FIGN: variants seen among roughly 807,000 people sequenced by gnomAD.
FIGN encodes the protein fidgetin, microtubule severing factor.
FIGN carries 11 observed loss-of-function variants against 51.3 expected under a neutral mutation model. The ratio of observed to expected loss-of-function variants is 0.21; its 90% confidence interval spans 0.13 to 0.35. The LOEUF (loss-of-function observed/expected upper bound fraction) is 0.35. Ranked by LOEUF, FIGN falls within the 10% of genes least tolerant of loss-of-function variation. The pLI is 1.00. For synonymous variants in FIGN, 407 were observed against 363.2 expected, an observed-to-expected ratio of 1.12 and a Z score of -1.37; for missense variants, 857 against 943.6, an observed-to-expected ratio of 0.91 and a Z score of 1.20.
intron 2 of FIGN, among the ~76,000 whole-genome samples, chr2:163,716,481 G>T (rs907259623): frequency 9.2e-5 from 14 of 152,096 alleles, no homozygotes; most frequent in Non-Finnish European, 2.9e-5. Flanking sequence ...CACTCCAGTT[G>T]GATTCCCTAC....
chr2:163,658,215 C>T (rs1010457719), intron 2 of FIGN, among the ~76,000 whole-genome samples: 13 of 152,046 alleles, frequency 8.6e-5, no homozygotes, highest in African/African-American at 3.1e-4. Flanking sequence ...TTACACATCT[C>T]ACAGGCCTGT....
At chr2:163,716,368 G>C (rs1684668368) in intron 2 of FIGN, among the ~76,000 whole-genome samples, 1 of 151,956 alleles carries the variant, frequency 6.6e-6, no homozygotes, top group Non-Finnish European at 1.5e-5. Context: ...TTAAAAACTG[G>C]TCGTTAAAAA....
In FIGN at chr2:163,622,921, A is replaced by C. The variant is rs183723614; in HGVS notation, c.26-11115T>G. Among the ~76,000 whole-genome samples the C allele has an allele frequency of 3.3e-5, 5 of 152,310 alleles. No homozygotes were observed. The East Asian group carries it at 9.7e-4, about 29-fold the overall frequency. On this transcript the variant is annotated intron_variant, in intron 2 of 2. Coordinates refer to ENST00000333129, the MANE Select transcript of FIGN (RefSeq NM_018086.4). ...AAAGAAATTTCATTTTAAGTGTGCT[A>C]GTTTTACTTGTTTATATTAAAAGAG...
intron 2 of FIGN, among the ~76,000 whole-genome samples, chr2:163,688,300 T>C (rs369951645): frequency 3.3e-5 from 5 of 152,310 alleles, no homozygotes; most frequent in African/African-American, 1.2e-4. Context: ...GACATGGTCC[T>C]AGGTCTGACA....
rs552998613 is a variant in FIGN at position 163,611,055 on chromosome 2, C to A, written c.777G>T (p.Gly259=). Residue 259 remains glycine, a synonymous_variant, in exon 3 of 3, where the codon GGG becomes GGT. Coordinates refer to ENST00000333129, the MANE Select transcript of FIGN (RefSeq NM_018086.4). ...GTGCCCCCCCAGGGCTGTACCCAGA[C>A]CCCACAGCAGTCTGAGGAGGATAGC... is the stretch of plus-strand genomic sequence containing the variant. The part of the protein sequence containing the change: ...SASYPPQTAV[G]SGYSPGGAPP... 16 of 1,614,004 alleles carry A rather than the reference C, an allele frequency of 9.9e-6. No individual in the cohort carries two copies. Among genetic ancestry groups the A allele is most frequent in the East Asian group, 6.7e-5 (3 of 44,844 alleles).
rs1691137496 is a variant in FIGN at position 163,607,601 on chromosome 2, G to A, written c.*1951C>T. On this transcript the variant is annotated 3_prime_UTR_variant, in exon 3 of 3. Transcript: ENST00000333129. Reference sequence around the variant, plus strand: ...AAATTTTTGTAAGAAAAAAAAAACAGAAAGGCCTTTCTTGGGGCTTCTCAT... The same window carrying A: ...AAATTTTTGTAAGAAAAAAAAAACAAAAAGGCCTTTCTTGGGGCTTCTCAT... 1.3e-5 allele frequency: 2 copies of A among 152,192 alleles called. No homozygotes were observed. The highest frequency in any genetic ancestry group is 1.5e-5 in the Non-Finnish European group (1 of 67,950). The allele number at this position is 152,192 out of a possible 1,614,324, so 9.4% of individuals were successfully genotyped here.
chr2:163,694,430 T>C (rs1395707941), intron 2 of FIGN, among the ~76,000 whole-genome samples: 1 of 152,140 alleles, frequency 6.6e-6, no homozygotes, highest in Admixed American at 6.6e-5. Context: ...CAATTAACCA[T>C]AACCCTAACT....
intron 2 of FIGN, among the ~76,000 whole-genome samples, chr2:163,615,023 C>T (rs904155512): frequency 4.9e-4 from 74 of 152,072 alleles, no homozygotes; most frequent in African/African-American, 1.6e-3. Context: ...AACTAAATTT[C>T]GTAAGATTTC....
intron 2 of FIGN, among the ~76,000 whole-genome samples, chr2:163,719,671 C>T (rs1467236490): frequency 6.6e-6 from 1 of 151,994 alleles, no homozygotes; most frequent in Non-Finnish European, 1.5e-5. Flanking sequence ...AAGAAGAAAA[C>T]CTGTGGGGTA....
At chr2:163,696,487 T>C (rs1684321289) in intron 2 of FIGN, among the ~76,000 whole-genome samples, 1 of 152,194 alleles carries the variant, frequency 6.6e-6, no homozygotes, top group Non-Finnish European at 1.5e-5. Flanking sequence ...TCGCTGCAAG[T>C]ATCCAGGAGT....
At chr2:163,635,132 A>G (rs956280480) in intron 2 of FIGN, among the ~76,000 whole-genome samples, 1 of 152,230 alleles carries the variant, frequency 6.6e-6, no homozygotes, top group Non-Finnish European at 1.5e-5. Flanking sequence ...GTACTTGATA[A>G]TTATAATATT....
At chr2:163,698,344 C>T (rs1373082114) in intron 2 of FIGN, among the ~76,000 whole-genome samples, 3 of 151,984 alleles carry the variant, frequency 2.0e-5, no homozygotes, top group African/African-American at 7.3e-5. Context: ...GATAGAAGAC[C>T]TAGATGGCCT....
chr2:163,709,913 T>G (rs1475424280), intron 2 of FIGN, among the ~76,000 whole-genome samples: 4 of 152,152 alleles, frequency 2.6e-5, no homozygotes, highest in Non-Finnish European at 4.4e-5. Flanking sequence ...CTCATTGCCT[T>G]ACAAATGTTA....
chr2:163,641,994 C>A (rs1341182746), intron 2 of FIGN, among the ~76,000 whole-genome samples: 1 of 152,174 alleles, frequency 6.6e-6, no homozygotes, highest in African/African-American at 2.4e-5. Flanking sequence ...AGAATACTGT[C>A]AAACTGTCTT....
chr2:163,660,768 TGTATAC>T (rs1434737018), intron 2 of FIGN, among the ~76,000 whole-genome samples: 2,716 of 55,348 alleles, frequency 0.049, 1,210 homozygotes, highest in Non-Finnish European at 0.084. Context: ...TACATATATA[TGTATAC>T]ACATATACAT....
rs73974363 is a variant in FIGN at position 163,653,749 on chromosome 2, G to C, written c.26-41943C>G. ...CTCACCAATGAATCTCTATCTATAC[G>C]ATGGAAGTCAGTGCAAACAACAACA... On this transcript the variant is annotated intron_variant, in intron 2 of 2. Coordinates refer to ENST00000333129, the MANE Select transcript of FIGN (RefSeq NM_018086.4). Among the ~76,000 whole-genome samples, 1,366 of 152,084 alleles carry C rather than the reference G, an allele frequency of 9.0e-3. 27 individuals are homozygous for C. Among genetic ancestry groups the C allele is most frequent in the African/African-American group, 0.032 (1,308 of 41,496 alleles).
chr2:163,650,073 C>A (rs1466571688), intron 2 of FIGN, among the ~76,000 whole-genome samples: 1 of 152,048 alleles, frequency 6.6e-6, no homozygotes, highest in Admixed American at 6.5e-5. Context: ...AGGAGAGAGA[C>A]TGACACATAG....
chr2:163,632,911 C>CT (rs1342932062), intron 2 of FIGN, among the ~76,000 whole-genome samples: 1 of 152,078 alleles, frequency 6.6e-6, no homozygotes, highest in Non-Finnish European at 1.5e-5. Flanking sequence ...TTTTCCTAGG[C>CT]CAGGTTGGGT....
intron 2 of FIGN, among the ~76,000 whole-genome samples, chr2:163,724,411 T>C (rs1308092101): frequency 6.6e-6 from 1 of 152,194 alleles, no homozygotes; most frequent in Admixed American, 6.5e-5. Flanking sequence ...TTTTAAGATC[T>C]CTTGATATAT....
Sources: gnomAD v4.1 joint callset for allele counts (sites outside exome capture counted in the v4.1 genomes callset) on GRCh38, gnomAD v4.1.1 for gene constraint, MANE v1.5 for transcripts, NCBI Gene and HGNC (gene_info 2026-07-23, HGNC 2026-07-21) for gene names.